The following MAGI2 variants were observed in gnomAD, a reference collection of about 807,000 sequenced individuals.
MAGI2 encodes the protein membrane associated guanylate kinase, WW and PDZ domain containing 2.
In MAGI2, 35 loss-of-function variants were observed where a neutral mutation model predicts 133.3. The observed-to-expected ratio is 0.26, with a 90% CI of 0.20 to 0.35. The LOEUF (loss-of-function observed/expected upper bound fraction) is 0.35. Among genes scored for constraint, MAGI2 ranks in the 10% least tolerant of loss-of-function variants. MAGI2 has a pLI of 1.00. For missense variants in MAGI2, 1,636 were observed against 1,863.4 expected (o/e 0.88, Z 2.25); for synonymous variants, 729 against 710.6 (o/e 1.03, Z -0.41).
chr7:79,194,019 T>G (rs1209696600), intron 1 of MAGI2, among the ~76,000 whole-genome samples: 9 of 151,962 alleles, frequency 5.9e-5, no homozygotes, highest in African/African-American at 2.2e-4. Context: ...TATTTCTACT[T>G]AGCACCCTTA....
intron 1 of MAGI2, chr7:79,415,739 A>C (rs7803773): frequency 0.14 from 21,894 of 152,134 alleles, 1,712 homozygotes; most frequent in South Asian, 0.24. Flanking sequence ...TCTATTTATA[A>C]AATGGTTCTA....
intron 1 of MAGI2, among the ~76,000 whole-genome samples, chr7:79,028,243 A>G (rs189908062): frequency 5.4e-4 from 26 of 48,568 alleles, no homozygotes; most frequent in African/African-American, 1.9e-3. Flanking sequence ...ATGTATATAT[A>G]TATATATATA....
chr7:79,135,749 T>C (rs1312492084), intron 1 of MAGI2, among the ~76,000 whole-genome samples: 1 of 151,768 alleles, frequency 6.6e-6, no homozygotes, highest in African/African-American at 2.4e-5. Flanking sequence ...GAGATGAGCC[T>C]GGGCAACATA....
chr7:79,118,519 G>T (rs1043949116), intron 1 of MAGI2, among the ~76,000 whole-genome samples: 2 of 151,958 alleles, frequency 1.3e-5, no homozygotes, highest in African/African-American at 4.8e-5. Context: ...TCCAATACAT[G>T]GCTACTATAC....
chr7:78,661,195 T>C (rs1812920853), intron 2 of MAGI2, among the ~76,000 whole-genome samples: 1 of 152,170 alleles, frequency 6.6e-6, no homozygotes, highest in South Asian at 2.1e-4. Flanking sequence ...CACAGGTAAG[T>C]AATCTGATCC....
chr7:79,323,038 A>G (rs977545847), intron 1 of MAGI2, among the ~76,000 whole-genome samples: 8 of 152,058 alleles, frequency 5.3e-5, no homozygotes, highest in African/African-American at 1.9e-4. Flanking sequence ...GGGTCTCACT[A>G]TGTTGTACAT....
intron 1 of MAGI2, among the ~76,000 whole-genome samples, chr7:79,085,701 T>C (rs1816423008): frequency 6.6e-6 from 1 of 151,934 alleles, no homozygotes; most frequent in Non-Finnish European, 1.5e-5. Context: ...TTGTTTAGTA[T>C]CTTTCTTGGA....
chr7:78,179,698 A>G (rs1345952259), intron 13 of MAGI2, among the ~76,000 whole-genome samples: 1 of 152,228 alleles, frequency 6.6e-6, no homozygotes, highest in Non-Finnish European at 1.5e-5. Flanking sequence ...AAGAAGAATA[A>G]CCAGTTAGAC....
chr7:79,404,625 G>A (rs755446004), intron 1 of MAGI2, among the ~76,000 whole-genome samples: 6 of 152,070 alleles, frequency 3.9e-5, no homozygotes, highest in Non-Finnish European at 8.8e-5. Context: ...GGAAACATAT[G>A]TTTTTCAAAA....
intron 1 of MAGI2, among the ~76,000 whole-genome samples, chr7:79,302,975 T>G (rs2129559857): frequency 6.6e-6 from 1 of 152,326 alleles, no homozygotes; most frequent in South Asian, 2.1e-4. Context: ...TACACATGAG[T>G]CATACTGTTT....
chr7:78,806,075 A>AC (rs1418890172), intron 2 of MAGI2, among the ~76,000 whole-genome samples: 1 of 152,234 alleles, frequency 6.6e-6, no homozygotes, highest in African/African-American at 2.4e-5. Flanking sequence ...AGGAACACAC[A>AC]AGTAACTGAC....
intron 1 of MAGI2, among the ~76,000 whole-genome samples, chr7:79,144,699 A>G (rs375451807): frequency 6.6e-6 from 1 of 152,222 alleles, no homozygotes; most frequent in African/African-American, 2.4e-5. Context: ...GGTGACAGGC[A>G]TTATTACTCT....
intron 2 of MAGI2, among the ~76,000 whole-genome samples, chr7:79,005,668 C>G (rs1274738871): frequency 2.0e-5 from 3 of 152,098 alleles, no homozygotes; most frequent in Non-Finnish European, 2.9e-5. Flanking sequence ...TATTTCAGAT[C>G]TCCTTTCTTT....
At chr7:78,415,170 A>G (rs1197378455) in intron 6 of MAGI2, among the ~76,000 whole-genome samples, 1 of 152,136 alleles carries the variant, frequency 6.6e-6, no homozygotes, top group African/African-American at 2.4e-5. Context: ...AGCTCATGAT[A>G]AACAGGAATA....
chr7:78,879,020 ATCTT>A (rs1384132203), intron 2 of MAGI2, among the ~76,000 whole-genome samples: 1 of 152,218 alleles, frequency 6.6e-6, no homozygotes, highest in East Asian at 1.9e-4. Context: ...GCCTAGGCAG[ATCTT>A]CAGGCATTTG....
At chr7:78,443,666 T>C (rs1257917138) in intron 6 of MAGI2, among the ~76,000 whole-genome samples, 2 of 152,174 alleles carry the variant, frequency 1.3e-5, no homozygotes, top group African/African-American at 4.8e-5. Context: ...TCTTCTGACC[T>C]GTATACATCC....
intron 1 of MAGI2, among the ~76,000 whole-genome samples, chr7:79,121,523 T>C (rs1819897594): frequency 1.3e-5 from 2 of 152,228 alleles, no homozygotes; most frequent in Middle Eastern, 3.4e-3. Flanking sequence ...CATTCAACTT[T>C]CTGCCTTATG....
intron 1 of MAGI2, among the ~76,000 whole-genome samples, chr7:79,365,165 G>A (rs916351542): frequency 3.9e-5 from 6 of 152,102 alleles, no homozygotes; most frequent in African/African-American, 7.2e-5. Context: ...TCAGAGATAC[G>A]CAAATTAAAT....
chr7:78,842,789 TTGAG>T (rs1438977098), intron 2 of MAGI2, among the ~76,000 whole-genome samples: 1 of 151,996 alleles, frequency 6.6e-6, no homozygotes, highest in East Asian at 1.9e-4. Flanking sequence ...TTAAACAATA[TTGAG>T]TATCAAAATC....
Sources: allele counts gnomAD v4.1 joint callset (sites outside exome capture counted in the v4.1 genomes callset), GRCh38; gene constraint gnomAD v4.1.1; transcripts MANE v1.5; gene names NCBI Gene and HGNC (gene_info 2026-07-23, HGNC 2026-07-21).